SV2B: variants seen among roughly 807,000 people sequenced by gnomAD.
The protein encoded by SV2B is solute carrier family 22 member B2.
In SV2B, 41 loss-of-function variants were observed where a neutral mutation model predicts 73.9. The ratio of observed to expected loss-of-function variants is 0.56; its 90% CI spans 0.43 to 0.72. The LOEUF (loss-of-function observed/expected upper bound fraction) is 0.72, where lower values mean the gene tolerates loss of function less well. Ranked by LOEUF, SV2B falls within the 30% of genes least tolerant of loss-of-function variation. The pLI, the probability that SV2B is intolerant of heterozygous loss-of-function variation, is 0.00. For missense variants in SV2B, 764 were observed against 857.8 expected, an observed-to-expected ratio of 0.89 and a Z score of 1.37; for synonymous variants, 314 against 314.2, an observed-to-expected ratio of 1.00 and a Z score of 0.01.
In SV2B at chr15:91,261,053, G is replaced by T. The variant is rs540661693; in HGVS notation, c.1008+644G>T. ...AGGCTGGCAGATCACTTGAAGTCAGGGGTTCAAGACCAGCCTGGCCAACAT... is the reference window on the plus strand; with the variant it reads ...AGGCTGGCAGATCACTTGAAGTCAGTGGTTCAAGACCAGCCTGGCCAACAT... On this transcript the variant is annotated intron_variant, in intron 6 of 12. Transcript: ENST00000394232. The surrounding 1 kb of genome is among the most constrained non-coding windows in gnomAD (Gnocchi z 4.7). Among the ~76,000 whole-genome samples, 6 of 152,280 alleles carry T rather than the reference G, an allele frequency of 3.9e-5. No homozygotes were observed. The East Asian group carries it at 1.2e-3, about 29-fold the overall frequency.
rs528634677 is a variant in SV2B at position 91,122,014 on chromosome 15, T to C, written c.-392+21651T>C. Among the ~76,000 whole-genome samples the C allele has an allele frequency of 6.6e-6, 1 of 152,284 alleles. No homozygotes were observed. Among genetic ancestry groups the C allele is most frequent in the Non-Finnish European group, 1.5e-5 (1 of 68,022 alleles). ...TGGTCTCGATCTCCTGACTTCATGATTCGCCTGCCTTGGCCTCCCAAAGTG... is the reference window on the plus strand; with the variant it reads ...TGGTCTCGATCTCCTGACTTCATGACTCGCCTGCCTTGGCCTCCCAAAGTG... On this transcript the variant is annotated intron_variant, in intron 1 of 12. Transcript: ENST00000394232. This position sits in a 1 kb window ranked among gnomAD's most constrained non-coding sequence, Gnocchi z 4.3.
At chr15:91,173,201 C>T (rs1043720635) in intron 1 of SV2B, among the ~76,000 whole-genome samples, 5 of 152,076 alleles carry the variant, frequency 3.3e-5, no homozygotes, top group African/African-American at 9.7e-5. Flanking sequence ...GAAAGCATGG[C>T]GACATGCCCT....
intron 1 of SV2B, among the ~76,000 whole-genome samples, chr15:91,151,306 G>A (rs1478273977): frequency 6.6e-6 from 1 of 152,238 alleles, no homozygotes; most frequent in African/African-American, 2.4e-5. Context: ...CCATAGAAAA[G>A]TTAAACTGCA....
At chr15:91,277,424 C>T (rs572727514) in intron 9 of SV2B, among the ~76,000 whole-genome samples, 13 of 152,292 alleles carry the variant, frequency 8.5e-5, no homozygotes, top group African/African-American at 3.1e-4. Context: ...ATGTAACCAT[C>T]AACACAAGCA....
intron 1 of SV2B, among the ~76,000 whole-genome samples, chr15:91,143,990 G>C (rs16945260): frequency 6.6e-6 from 1 of 152,102 alleles, no homozygotes; most frequent in South Asian, 2.1e-4. Flanking sequence ...TCATGTAGGC[G>C]GTGATAACTG....
chr15:91,230,701 T>A (rs187632004), intron 2 of SV2B, among the ~76,000 whole-genome samples: 2 of 152,330 alleles, frequency 1.3e-5, no homozygotes, highest in Admixed American at 1.3e-4. Flanking sequence ...CACCCATTCT[T>A]TTAAAAAATG....
rs1358888300 is a variant in SV2B at position 91,191,070 on chromosome 15, T to TTTTTTTTTTTTTTTCC, written c.-391-34789_-391-34788insCCTTTTTTTTTTTTTT. On this transcript the variant is annotated intron_variant, in intron 1 of 12. Coordinates refer to ENST00000394232, the MANE Select transcript of SV2B (RefSeq NM_001323032.3). ...GTGGTTTTTTTGGTGTTTCTTTTTT[T>TTTTTTTTTTTTTTTCC]TTTTTTTTTTTTTTGACAGAGTCTT... Among the ~76,000 whole-genome samples the TTTTTTTTTTTTTTTCC allele has an allele frequency of 4.0e-5, 5 of 125,608 alleles. 1 individual carries two copies. The highest frequency in any genetic ancestry group is 8.3e-5 in the Non-Finnish European group (5 of 60,514). The allele number at this position is 125,608 out of a possible 152,430, so 82.4% of individuals were successfully genotyped here. A position where few individuals can be genotyped will look rare whatever the true frequency, so the allele number is the denominator to read the frequency against.
chr15:91,279,850 C>A (rs141120661), intron 9 of SV2B, among the ~76,000 whole-genome samples: 1 of 152,218 alleles, frequency 6.6e-6, no homozygotes, highest in African/African-American at 2.4e-5. Flanking sequence ...GAGGCATCTT[C>A]TTGTAACAAA....
intron 12 of SV2B, among the ~76,000 whole-genome samples, chr15:91,292,093 C>A (rs1381163694): frequency 2.1e-4 from 29 of 135,320 alleles, no homozygotes; most frequent in Admixed American, 1.8e-3. Flanking sequence ...AAATAGATAT[C>A]TTTGAAAAAA....
intron 1 of SV2B, among the ~76,000 whole-genome samples, chr15:91,127,717 C>T (rs2151754076): frequency 6.6e-6 from 1 of 152,170 alleles, no homozygotes; most frequent in South Asian, 2.1e-4. Flanking sequence ...GGGTGGAGGG[C>T]AGGAGGAGTG....
At chr15:91,211,182 G>C (rs2045844981) in intron 1 of SV2B, among the ~76,000 whole-genome samples, 1 of 152,258 alleles carries the variant, frequency 6.6e-6, no homozygotes, top group South Asian at 2.1e-4. Context: ...GATGGTGTCA[G>C]GGAACTGAGG....
chr15:91,218,630 G>A (rs2046113601), intron 1 of SV2B, among the ~76,000 whole-genome samples: 2 of 152,226 alleles, frequency 1.3e-5, no homozygotes, highest in South Asian at 4.1e-4. Flanking sequence ...CTCGGGCTTT[G>A]TCCCTATAAT....
intron 1 of SV2B, among the ~76,000 whole-genome samples, chr15:91,212,796 A>C (rs1303913100): frequency 2.6e-5 from 4 of 151,860 alleles, no homozygotes; most frequent in Admixed American, 6.6e-5. Flanking sequence ...TCTATAAAAA[A>C]ATTTTTAAAA....
chr15:91,187,876 C>G (rs938627822), intron 1 of SV2B, among the ~76,000 whole-genome samples: 1 of 151,946 alleles, frequency 6.6e-6, no homozygotes. Flanking sequence ...AAGAACTGAA[C>G]CACATAATTG....
chr15:91,138,054 A>AAG (rs1456542387), intron 1 of SV2B, among the ~76,000 whole-genome samples: 12 of 152,242 alleles, frequency 7.9e-5, no homozygotes, highest in African/African-American at 2.9e-4. Flanking sequence ...TTAACATCAC[A>AAG]TGAAGAAAGA....
chr15:91,126,475 G>A (rs189459639), intron 1 of SV2B, among the ~76,000 whole-genome samples: 47 of 152,338 alleles, frequency 3.1e-4, no homozygotes, highest in African/African-American at 1.1e-3. Context: ...GGGTTGATGA[G>A]CCAGGTCTTT....
At chr15:91,217,077 A>G (rs7171872) in intron 1 of SV2B, among the ~76,000 whole-genome samples, 5,912 of 151,846 alleles carry the variant, frequency 0.039, 403 homozygotes, top group African/African-American at 0.14. Flanking sequence ...GGGTTTCGCC[A>G]TGTTGGCCAG....
At position 91,227,808 on chromosome 15, in the gene SV2B, T is replaced by C. The variant is rs767616529; in HGVS notation, c.451+1094T>C. ...TACTGTAGGGACAGTCTCTATGAAA[T>C]ACCTGGTGCGATTCAGGTCCCCGAT... On this transcript the variant is annotated intron_variant, in intron 2 of 12. Transcript: ENST00000394232. The surrounding 1 kb of genome is among the most constrained non-coding windows in gnomAD (Gnocchi z 4.5). 5.3e-5 allele frequency among the ~76,000 whole-genome samples: 8 copies of C among 152,228 alleles called. No individual in the cohort carries two copies. Among genetic ancestry groups the C allele is most frequent in the Non-Finnish European group, 1.2e-4 (8 of 68,040 alleles).
In SV2B at chr15:91,170,647, TA is replaced by T. The variant is rs546205987; in HGVS notation, c.-391-55221del. On this transcript the variant is annotated intron_variant, in intron 1 of 12. Transcript: ENST00000394232. ...ATACAAACTTGGTTTAAAAATACAT[TA>T]AAAATATCTGACTGTCCCTGCCCTG... Among the ~76,000 whole-genome samples the T allele has an allele frequency of 4.7e-4, 72 of 152,334 alleles. No homozygotes were observed. The South Asian group carries it at 0.014, about 29-fold the overall frequency.
Sources: gnomAD v4.1 joint callset for allele counts (sites outside exome capture counted in the v4.1 genomes callset) on GRCh38, gnomAD v4.1.1 for gene constraint, Gnocchi (gnomAD v3.1) non-coding constraint, MANE v1.5 for transcripts, NCBI Gene and HGNC (gene_info 2026-07-23, HGNC 2026-07-21) for gene names.